Variants in ROBO2 observed in about 807,000 individuals in gnomAD.
ROBO2 encodes roundabout guidance receptor 2.
A neutral mutation model predicts 160.8 loss-of-function variants in ROBO2; 53 were observed. The observed-to-expected ratio is 0.33, with a 90% confidence interval of 0.26 to 0.41. The LOEUF (loss-of-function observed/expected upper bound fraction) is 0.41, where lower values mean the gene tolerates loss of function less well. Ranked by LOEUF, ROBO2 falls within the 10% of genes least tolerant of loss-of-function variation. The pLI, the probability that ROBO2 is intolerant of heterozygous loss-of-function variation, is 1.00. For missense variants in ROBO2, 1,577 were observed against 1,722.4 expected (o/e 0.92, Z 1.49); for synonymous variants, 664 against 611.7 (o/e 1.09, Z -1.26).
chr3:76,480,302 C>G (rs2079142216), intron 2 of ROBO2, among the ~76,000 whole-genome samples: 1 of 152,038 alleles, frequency 6.6e-6, no homozygotes, highest in South Asian at 2.1e-4. Flanking sequence ...GTGCTTTGTG[C>G]CTGTAATGAA....
At chr3:76,649,311 A>C (rs112249472) in intron 2 of ROBO2, among the ~76,000 whole-genome samples, 65 of 152,290 alleles carry the variant, frequency 4.3e-4, no homozygotes, top group African/African-American at 1.5e-3. Flanking sequence ...ATGTTGTCCT[A>C]CAGATTAATA....
rs566101258 is a variant in ROBO2, at chr3:77,086,614, A to G, written c.62-11400A>G. 2.6e-5 allele frequency among the ~76,000 whole-genome samples: 4 copies of G among 152,214 alleles called. No homozygotes were observed. In the East Asian group the frequency reaches 7.7e-4, roughly 29 times the overall value. On this transcript the variant is annotated intron_variant, in intron 1 of 25. Transcript: ENST00000461745. ...ATGATTTATGAATCACATTTTTACA[A>G]ATAATGGAGTAATGCAATGATATTT...
chr3:77,279,074 G>C (rs1167138311), intron 2 of ROBO2, among the ~76,000 whole-genome samples: 2 of 151,888 alleles, frequency 1.3e-5, no homozygotes, highest in African/African-American at 4.8e-5. Flanking sequence ...TGATGGTCTG[G>C]ATTATTTGTT....
intron 2 of ROBO2, among the ~76,000 whole-genome samples, chr3:76,291,096 G>C (rs1436497196): frequency 4.6e-5 from 7 of 152,092 alleles, no homozygotes; most frequent in Non-Finnish European, 2.9e-5. Flanking sequence ...CAATTTTCTT[G>C]AAATAGTTTC....
At position 77,143,926 on chromosome 3, in the gene ROBO2, G is replaced by A. The variant is rs77221893; in HGVS notation, c.388+45586G>A. Among the ~76,000 whole-genome samples, 50 of 151,926 alleles carry A rather than the reference G, an allele frequency of 3.3e-4. 2 individuals are homozygous for A. The East Asian group carries it at 8.7e-3, about 27-fold the overall frequency. On this transcript the variant is annotated intron_variant, in intron 2 of 25. Transcript: ENST00000461745. ...ACTCTATTCCACTCTGTAAACTTAC[G>A]GACCATTGAATTGTCCTAAAACATT...
intron 2 of ROBO2, among the ~76,000 whole-genome samples, chr3:76,910,599 A>C (rs1015890665): frequency 6.6e-6 from 1 of 151,598 alleles, no homozygotes; most frequent in Admixed American, 6.6e-5. Context: ...GGTGGCATGC[A>C]CCTGTAGTCC....
chr3:77,000,276 G>A (rs2061269781), intron 2 of ROBO2, among the ~76,000 whole-genome samples: 1 of 152,086 alleles, frequency 6.6e-6, no homozygotes, highest in Admixed American at 6.6e-5. Flanking sequence ...CATATACCTG[G>A]TAGGTCAGTG....
chr3:76,039,499 T>C (rs1014142651), intron 2 of ROBO2, among the ~76,000 whole-genome samples: 2 of 152,004 alleles, frequency 1.3e-5, no homozygotes, highest in Non-Finnish European at 2.9e-5. Flanking sequence ...TCTGTTTCCT[T>C]TTTTTCTACT....
chr3:76,092,712 C>T (rs1187787504), intron 2 of ROBO2, among the ~76,000 whole-genome samples: 3 of 152,106 alleles, frequency 2.0e-5, no homozygotes, highest in African/African-American at 7.2e-5. Context: ...AAAATTTTAT[C>T]TTAGTGACAC....
intron 1 of ROBO2, among the ~76,000 whole-genome samples, chr3:75,933,809 CTG>C (rs1947646090): frequency 6.6e-6 from 1 of 152,172 alleles, no homozygotes; most frequent in African/African-American, 2.4e-5. Context: ...CAGAGATGCT[CTG>C]TGATTGAAGT....
chr3:76,056,640 A>G (rs781539396), intron 2 of ROBO2, among the ~76,000 whole-genome samples: 4 of 152,222 alleles, frequency 2.6e-5, no homozygotes, highest in African/African-American at 9.6e-5. Flanking sequence ...CCTTCAGAAT[A>G]CTTAGCATAC....
chr3:77,437,653 T>C (rs2079436927), intron 2 of ROBO2, among the ~76,000 whole-genome samples: 1 of 152,016 alleles, frequency 6.6e-6, no homozygotes, highest in Non-Finnish European at 1.5e-5. Flanking sequence ...TTTATTACAT[T>C]ATTCATCGTA....
intron 2 of ROBO2, among the ~76,000 whole-genome samples, chr3:76,774,921 C>G (rs2062146993): frequency 6.7e-6 from 1 of 149,850 alleles, no homozygotes; most frequent in African/African-American, 2.4e-5. Flanking sequence ...CACGAAGGCT[C>G]AAAATACACA....
At chr3:77,404,084 A>G (rs62249790) in intron 2 of ROBO2, among the ~76,000 whole-genome samples, 11,674 of 152,224 alleles carry the variant, frequency 0.077, 528 homozygotes, top group African/African-American at 0.099. Context: ...TCCTCATAAC[A>G]CTGAGGCTGC....
chr3:77,160,602 G>GTA (rs2150607805), intron 2 of ROBO2, among the ~76,000 whole-genome samples: 1 of 152,264 alleles, frequency 6.6e-6, no homozygotes, highest in East Asian at 1.9e-4. Flanking sequence ...TCTATAAACT[G>GTA]ATATATGTAA....
rs577648244 is a variant in ROBO2, at chr3:76,123,823, T to C, written c.109+186221T>C. Among the ~76,000 whole-genome samples the C allele has an allele frequency of 2.6e-5, 4 of 152,274 alleles. No homozygotes were observed. In the East Asian group the frequency reaches 7.7e-4, roughly 29 times the overall value. On this transcript the variant is annotated intron_variant, in intron 2 of 26. Coordinates refer to the ROBO2 transcript ENST00000487694. ...CTTCCTACACCTTGATCCCTACTGC[T>C]TCACATCATATTTATGGGGTGGAGG...
rs551881225 is a variant in ROBO2, at chr3:77,423,689, C to T, written c.389-53725C>T. On this transcript the variant is annotated intron_variant, in intron 2 of 25. Coordinates refer to ENST00000461745, the Ensembl canonical transcript of ROBO2. ...ATTTTTGCTGATATTCACAAGAAGA[C>T]TTAAGCACTACCACTACTGATTATA... is the stretch of plus-strand genomic sequence containing the variant. Among the ~76,000 whole-genome samples, 7 of 152,238 alleles carry T rather than the reference C, an allele frequency of 4.6e-5. No individual in the cohort carries two copies. The South Asian group carries it at 1.4e-3, about 32-fold the overall frequency.
intron 2 of ROBO2, among the ~76,000 whole-genome samples, chr3:76,630,849 C>T (rs1474381197): frequency 6.6e-6 from 1 of 152,122 alleles, no homozygotes. Flanking sequence ...CCGTGGTTAT[C>T]CTAAAACTGA....
intron 1 of ROBO2, among the ~76,000 whole-genome samples, chr3:77,075,658 T>G (rs1440924884): frequency 6.8e-6 from 1 of 146,494 alleles, no homozygotes; most frequent in Non-Finnish European, 1.5e-5. Flanking sequence ...TACACTACTA[T>G]TTCTTTCTTT....
Sources: allele counts gnomAD v4.1 joint callset (sites outside exome capture counted in the v4.1 genomes callset), GRCh38; gene constraint gnomAD v4.1.1; transcripts MANE v1.5; gene names NCBI Gene and HGNC (gene_info 2026-07-23, HGNC 2026-07-21).